SNTG1: variants seen among roughly 807,000 people sequenced by gnomAD.
SNTG1 encodes gamma-1-syntrophin.
Under a neutral mutation model 74.7 loss-of-function variants are expected in SNTG1, and 39 were observed. That is an observed-to-expected ratio of 0.52 (90% CI 0.40 to 0.68). SNTG1 has a LOEUF of 0.68. Among genes scored for constraint, SNTG1 ranks in the 30% least tolerant of loss-of-function variants. The pLI is 0.00. For missense variants in SNTG1, 685 were observed against 609.5 expected (o/e 1.12, Z -1.30); for synonymous variants, 254 against 217.1 (o/e 1.17, Z -1.49).
At chr8:50,078,016 A>G (rs1487435502) in intron 1 of SNTG1, among the ~76,000 whole-genome samples, 1 of 152,148 alleles carries the variant, frequency 6.6e-6, no homozygotes, top group African/African-American at 2.4e-5. Flanking sequence ...ATATATGGAT[A>G]TAGATATAGT....
At chr8:50,437,729 C>T (rs887946811) in intron 4 of SNTG1, among the ~76,000 whole-genome samples, 1 of 152,134 alleles carries the variant, frequency 6.6e-6, no homozygotes, top group Non-Finnish European at 1.5e-5. Context: ...ATGGAGCAAG[C>T]TATAAGTTAA....
intron 2 of SNTG1, among the ~76,000 whole-genome samples, chr8:50,201,276 C>A (rs960577686): frequency 2.0e-5 from 3 of 152,090 alleles, no homozygotes; most frequent in African/African-American, 7.2e-5. Context: ...TGAAATCTCT[C>A]TTTTTCCTAA....
intron 4 of SNTG1, among the ~76,000 whole-genome samples, chr8:50,412,462 A>C (rs1451316596): frequency 6.6e-6 from 1 of 152,180 alleles, no homozygotes; most frequent in Non-Finnish European, 1.5e-5. Flanking sequence ...AATGAATATA[A>C]TACTATCTGT....
chr8:50,376,706 A>C (rs1262688129), intron 2 of SNTG1, among the ~76,000 whole-genome samples: 3 of 141,328 alleles, frequency 2.1e-5, no homozygotes, highest in East Asian at 4.1e-4. Flanking sequence ...AATATATAAT[A>C]TTATATATTT....
In SNTG1 at chr8:50,639,474, T is replaced by G. The variant is rs370333683; in HGVS notation, c.850-17435T>G. On this transcript the variant is annotated intron_variant, in intron 13 of 18. Transcript: ENST00000642720. The stretch of plus-strand genomic sequence containing the variant: ...GTAATGCCATTTTAGCAGTATAAAT[T>G]AAAAAGAACTATAAGAAATATTATT... Among the ~76,000 whole-genome samples the G allele has an allele frequency of 2.0e-4, 31 of 152,110 alleles. No homozygotes were observed. In the East Asian group the frequency reaches 5.6e-3, roughly 27 times the overall value.
At chr8:50,316,316 A>G (rs777396297) in intron 2 of SNTG1, among the ~76,000 whole-genome samples, 15 of 152,168 alleles carry the variant, frequency 9.9e-5, no homozygotes, top group Non-Finnish European at 1.6e-4. Context: ...TCCATCTCCT[A>G]TGATGTCATA....
In SNTG1 at chr8:50,590,902, T is replaced by C. The variant is rs1383287456; in HGVS notation, c.834T>C (p.Phe278=). The change falls in exon 13 of 19, where the codon TTT becomes TTC. Residue 278 remains phenylalanine, a synonymous_variant. Coordinates refer to ENST00000642720, the MANE Select transcript of SNTG1 (RefSeq NM_018967.5). ...AGATTAAAAAAATCAACAGAAACTTTCCTGTAAACCAGCAGGTAAGATCAA... is the reference window on the plus strand; with the variant it reads ...AGATTAAAAAAATCAACAGAAACTTCCCTGTAAACCAGCAGGTAAGATCAA... The part of the protein sequence containing the change: ...KHNIKKINRN[F]PVNQQIVYMG... The C allele has an allele frequency of 6.4e-7, 1 of 1,571,780 alleles. No individual in the cohort carries two copies. Among genetic ancestry groups the C allele is most frequent in the Admixed American group, 1.8e-5 (1 of 56,166 alleles).
rs2093437566 is a variant in SNTG1 at position 50,449,670 on chromosome 8, A to G, written c.222A>G (p.Gly74=). 1.3e-6 allele frequency: 2 copies of G among 1,589,806 alleles called. No homozygotes were observed. Among genetic ancestry groups the G allele is most frequent in the African/African-American group, 1.3e-5 (1 of 74,254 alleles). The stretch of plus-strand genomic sequence containing the variant: ...AATATATGATTTTCTCTTTTCAGGG[A>G]GGAGCAGAACATAACATTCCAGTTG... ...TVGGFGLSIK[G]GAEHNIPVVV... Residue 74 remains glycine (G), a splice_region_variant and synonymous_variant, in exon 6 of 19, where the codon GGA becomes GGG. Transcript: ENST00000642720.
At chr8:50,780,206 T>C (rs539986361) in intron 18 of SNTG1, among the ~76,000 whole-genome samples, 3 of 152,356 alleles carry the variant, frequency 2.0e-5, no homozygotes, top group Admixed American at 2.0e-4. Flanking sequence ...ATCAGGATGA[T>C]GCTGGCCTCT....
intron 1 of SNTG1, among the ~76,000 whole-genome samples, chr8:49,971,401 G>C (rs1344006042): frequency 2.6e-5 from 4 of 152,114 alleles, no homozygotes; most frequent in Admixed American, 6.5e-5. Context: ...CAAACCCACA[G>C]CCAATATCAT....
intron 15 of SNTG1, among the ~76,000 whole-genome samples, chr8:50,697,619 A>C (rs567195004): frequency 4.2e-4 from 64 of 152,098 alleles, no homozygotes; most frequent in African/African-American, 1.5e-3. Flanking sequence ...TCATTTGTTG[A>C]GGGTTTTGAG....
intron 1 of SNTG1, among the ~76,000 whole-genome samples, chr8:50,081,799 A>G (rs979714487): frequency 3.3e-5 from 5 of 151,844 alleles, no homozygotes; most frequent in Non-Finnish European, 5.9e-5. Flanking sequence ...ACATCCGACT[A>G]ATTTTGTATT....
rs1056983663 is a variant in SNTG1 at position 50,264,622 on chromosome 8, C to G, written c.-28+91987C>G. 2.0e-5 allele frequency among the ~76,000 whole-genome samples: 3 copies of G among 148,216 alleles called. No individual in the cohort carries two copies. The Admixed American group carries it at 2.0e-4, about 10-fold the overall frequency. On this transcript the variant is annotated intron_variant, in intron 2 of 18. Transcript: ENST00000642720. ...CCAGAAAAATGAAAGTAAACTAAAC[C>G]CAAAACAAGCAGAATAAGGAAATAA...
At chr8:50,637,404 T>C (rs1442900032) in intron 13 of SNTG1, among the ~76,000 whole-genome samples, 3 of 152,154 alleles carry the variant, frequency 2.0e-5, no homozygotes, top group Non-Finnish European at 2.9e-5. Context: ...CTTGCTATTA[T>C]TTCTGTATGA....
rs180984154 is a variant in SNTG1, at chr8:50,005,646, A to G, written c.-103+93415A>G. Among the ~76,000 whole-genome samples the G allele has an allele frequency of 4.0e-3, 610 of 152,312 alleles. 3 individuals carry two copies. The highest frequency in any genetic ancestry group is 0.014 in the African/African-American group (573 of 41,560). ...ATTGCATTATTTTGAAGTACAATGAAAATGTTGATTTACATATACAGATCC... is the reference window on the plus strand; with the variant it reads ...ATTGCATTATTTTGAAGTACAATGAGAATGTTGATTTACATATACAGATCC... On this transcript the variant is annotated intron_variant, in intron 1 of 18. Coordinates refer to ENST00000642720, the MANE Select transcript of SNTG1 (RefSeq NM_018967.5).
At chr8:50,082,167 A>C (rs203925) in intron 1 of SNTG1, among the ~76,000 whole-genome samples, 94,372 of 151,952 alleles carry the variant, frequency 0.62, 29,676 homozygotes, top group East Asian at 0.84. Context: ...TTTTCATTGT[A>C]CTTTCCATTA....
At chr8:50,252,805 C>T (rs973038181) in intron 2 of SNTG1, among the ~76,000 whole-genome samples, 4 of 152,172 alleles carry the variant, frequency 2.6e-5, no homozygotes, top group Admixed American at 6.5e-5. Context: ...CCAGGCCCTA[C>T]GTCCAACATT....
At position 50,505,291 on chromosome 8, in the gene SNTG1, G is replaced by T. The variant is rs574784868; in HGVS notation, c.466+2411G>T. On this transcript the variant is annotated intron_variant, in intron 9 of 18. Coordinates refer to ENST00000642720, the MANE Select transcript of SNTG1 (RefSeq NM_018967.5). ...TTGTTATTGTGAATAATGCTACAAT[G>T]AACATGAGTGTACAAATATCATTCA... Among the ~76,000 whole-genome samples the T allele has an allele frequency of 2.6e-5, 4 of 152,200 alleles. No individual in the cohort carries two copies. The East Asian group carries it at 7.7e-4, about 29-fold the overall frequency.
intron 1 of SNTG1, among the ~76,000 whole-genome samples, chr8:49,943,851 G>A (rs1242269166): frequency 6.6e-6 from 1 of 151,872 alleles, no homozygotes; most frequent in Non-Finnish European, 1.5e-5. Flanking sequence ...ATATATTTTA[G>A]TACCCACTTA....
Sources: allele counts gnomAD v4.1 joint callset (sites outside exome capture counted in the v4.1 genomes callset), GRCh38; gene constraint gnomAD v4.1.1; transcripts MANE v1.5; gene names NCBI Gene and HGNC (gene_info 2026-07-23, HGNC 2026-07-21).